IGSF10: variants seen among roughly 807,000 people sequenced by gnomAD.
IGSF10 encodes the protein immunoglobulin superfamily member 10, also known as calvaria mechanical force protein 608.
IGSF10 carries 126 observed loss-of-function variants against 128.2 expected under a neutral mutation model. That is an observed-to-expected ratio of 0.98 (90% CI 0.85 to 1.14). The LOEUF (loss-of-function observed/expected upper bound fraction) is 1.14. IGSF10 is among the 50% of genes most tolerant of loss of function. IGSF10 has a pLI of 0.00. For synonymous variants in IGSF10, 1,185 were observed against 1,146.2 expected (o/e 1.03, Z -0.68); for missense variants, 3,295 against 3,149.8 (o/e 1.05, Z -1.10).
chr3:151,438,841 T>C (rs1577661380), intron 7 of IGSF10, among the ~76,000 whole-genome samples: 1 of 121,940 alleles, frequency 8.2e-6, no homozygotes, highest in East Asian at 2.1e-4. Context: ...TATATACACA[T>C]ACATTTTGAG....
the IGSF10 span, among the ~76,000 whole-genome samples, chr3:151,497,769 G>A: frequency 6.6e-6 from 1 of 152,150 alleles, no homozygotes; most frequent in African/African-American, 2.4e-5. Context: ...ACTTTGGGCA[G>A]TATGGCCATT....
chr3:151,545,740 T>C, the IGSF10 span, among the ~76,000 whole-genome samples: 1 of 152,352 alleles, frequency 6.6e-6, no homozygotes, highest in African/African-American at 2.4e-5. Flanking sequence ...TCCTCACCTT[T>C]CTCAGCTTTG....
the IGSF10 span, among the ~76,000 whole-genome samples, chr3:151,482,001 A>G: frequency 2.0e-5 from 3 of 152,196 alleles, no homozygotes; most frequent in Admixed American, 2.0e-4. Flanking sequence ...CAGAGTCACC[A>G]CACCCTGCCC....
the IGSF10 span, among the ~76,000 whole-genome samples, chr3:151,508,299 G>C: frequency 6.6e-6 from 1 of 152,102 alleles, no homozygotes; most frequent in African/African-American, 2.4e-5. Flanking sequence ...TTTATGGAAA[G>C]TTTTTATGAG....
the IGSF10 span, among the ~76,000 whole-genome samples, chr3:151,575,086 T>C: frequency 6.6e-5 from 10 of 152,350 alleles, no homozygotes; most frequent in East Asian, 1.9e-3. Flanking sequence ...AAGCAATTAT[T>C]GCTGCCTGAT....
At chr3:151,453,850 A>G (rs1389384899) in intron 4 of IGSF10, 76 bp from the exon 5 acceptor site, 2 of 878,174 alleles carry the variant, frequency 2.3e-6, no homozygotes, top group Non-Finnish European at 3.5e-6. Flanking sequence ...ATCAATAACA[A>G]AACTTATGTT....
chr3:151,502,578 T>A, the IGSF10 span, among the ~76,000 whole-genome samples: 2 of 152,114 alleles, frequency 1.3e-5, no homozygotes, highest in African/African-American at 4.8e-5. Flanking sequence ...GGTATTTACT[T>A]CGATCTGTTT....
the IGSF10 span, among the ~76,000 whole-genome samples, chr3:151,593,321 C>A: frequency 1.3e-5 from 2 of 152,070 alleles, no homozygotes; most frequent in East Asian, 3.9e-4. Context: ...CCATGTTGCC[C>A]AGGCTGGTCC....
chr3:151,554,364 GT>G, the IGSF10 span, among the ~76,000 whole-genome samples: 13 of 150,644 alleles, frequency 8.6e-5, no homozygotes, highest in Admixed American at 2.0e-4. Context: ...AGATCAGCCT[GT>G]TTTTTTTTCC....
chr3:151,475,541 C>A, the IGSF10 span, among the ~76,000 whole-genome samples: 6 of 152,208 alleles, frequency 3.9e-5, no homozygotes, highest in African/African-American at 1.4e-4. Flanking sequence ...TATACTTCAA[C>A]CACTCATACA....
At chr3:151,569,881 C>T in the IGSF10 span, among the ~76,000 whole-genome samples, 1 of 151,944 alleles carries the variant, frequency 6.6e-6, no homozygotes, top group Non-Finnish European at 1.5e-5. Flanking sequence ...TATCCCTCCC[C>T]CATCCCCCCA....
chr3:151,454,025 T>C (rs1006342679), intron 4 of IGSF10, among the ~76,000 whole-genome samples: 1 of 150,084 alleles, frequency 6.7e-6, no homozygotes. Flanking sequence ...TTTTCTTTTT[T>C]TTTTTTTTTT....
chr3:151,533,816 A>G, the IGSF10 span, among the ~76,000 whole-genome samples: 1 of 152,220 alleles, frequency 6.6e-6, no homozygotes, highest in Non-Finnish European at 1.5e-5. Context: ...GATCTAATTA[A>G]ACTAATAAGC....
the IGSF10 span, among the ~76,000 whole-genome samples, chr3:151,592,303 C>T: frequency 2.0e-5 from 3 of 152,018 alleles, no homozygotes; most frequent in Non-Finnish European, 4.4e-5. Context: ...GATTTGATTT[C>T]ACCTTACTTA....
downstream of IGSF10, chr3:151,435,873 A>AGAATT (rs1341156481): frequency 1.3e-5 from 2 of 151,960 alleles, no homozygotes; most frequent in East Asian, 3.8e-4. Flanking sequence ...CATCCCATAA[A>AGAATT]GAATTAATGA....
chr3:151,538,590 A>G, the IGSF10 span, among the ~76,000 whole-genome samples: 26 of 152,344 alleles, frequency 1.7e-4, no homozygotes, highest in Non-Finnish European at 3.1e-4. Context: ...ATATTTAAAC[A>G]AACACAATCA....
Position 151,447,156 on chromosome 3 carries a change from T to G in IGSF10, c.2825A>C (p.Lys942Thr). The change falls in exon 6 of 8, where the codon AAA (lysine) becomes ACA (threonine). Residue 942 changes from lysine (K) to threonine (T), a missense_variant. Coordinates refer to ENST00000282466, the MANE Select transcript of IGSF10 (RefSeq NM_178822.5). ...NVKMLSSTTN[K>T]LLLESVNTTN... The stretch of plus-strand genomic sequence containing the variant: ...GGTATTTACTGACTCTAATAATAGT[T>G]TGTTGGTGGTGCTACTAAGCATTTT... The G allele has an allele frequency of 1.2e-6, 2 of 1,614,166 alleles. No individual in the cohort carries two copies. The highest frequency in any genetic ancestry group is 1.1e-5 in the South Asian group (1 of 91,084).
chr3:151,440,836 G>A, intron 7 of IGSF10: 1 of 297,732 alleles, frequency 3.4e-6, no homozygotes, highest in South Asian at 3.0e-5. Flanking sequence ...GTTCTAACTG[G>A]GTTCTCAATG....
chr3:151,569,332 A>G, the IGSF10 span, among the ~76,000 whole-genome samples: 53 of 152,190 alleles, frequency 3.5e-4, no homozygotes, highest in Admixed American at 3.3e-4. Context: ...TCAGCCTTCT[A>G]TAGTGCCAGA....
Sources: gnomAD v4.1 joint callset for allele counts (sites outside exome capture counted in the v4.1 genomes callset) on GRCh38, gnomAD v4.1.1 for gene constraint, MANE v1.5 for transcripts, NCBI Gene and HGNC (gene_info 2026-07-23, HGNC 2026-07-21) for gene names.